ZNF475: variants seen among roughly 807,000 people sequenced by gnomAD.
ZNF475 encodes the protein zinc finger protein 475.
the ZNF475 span, among the ~76,000 whole-genome samples, chr5:122,163,813 A>G: frequency 6.6e-6 from 1 of 152,204 alleles, no homozygotes; most frequent in Non-Finnish European, 1.5e-5. Context: ...CGTCTTGGAA[A>G]TCGGTCTCAT....
the ZNF475 span, among the ~76,000 whole-genome samples, chr5:122,168,020 G>C: frequency 2.7e-4 from 41 of 152,124 alleles, no homozygotes; most frequent in Admixed American, 9.2e-4. Flanking sequence ...ATTTATGGAT[G>C]TTTCCAGTTG....
At chr5:122,173,432 A>G in the ZNF475 span, among the ~76,000 whole-genome samples, 3 of 152,290 alleles carry the variant, frequency 2.0e-5, no homozygotes, top group South Asian at 6.2e-4. Context: ...CCCTGCTTCA[A>G]TAGTGATATT....
At chr5:122,172,859 C>A in the ZNF475 span, among the ~76,000 whole-genome samples, 9 of 152,138 alleles carry the variant, frequency 5.9e-5, no homozygotes, top group African/African-American at 2.2e-4. Flanking sequence ...CGGTGAAACC[C>A]CGTGTCTACT....
At chr5:122,173,211 A>G in the ZNF475 span, among the ~76,000 whole-genome samples, 1 of 152,160 alleles carries the variant, frequency 6.6e-6, no homozygotes, top group South Asian at 2.1e-4. Flanking sequence ...TCTTTCTATA[A>G]ACAATATTAG....
the ZNF475 span, among the ~76,000 whole-genome samples, chr5:122,177,416 T>G: frequency 9.2e-5 from 14 of 152,326 alleles, 1 homozygote; most frequent in South Asian, 2.5e-3. Context: ...AGAAGAGGAA[T>G]TATGCCTGAT....
the ZNF475 span, among the ~76,000 whole-genome samples, chr5:122,168,179 G>A: frequency 6.6e-6 from 1 of 152,162 alleles, no homozygotes; most frequent in Non-Finnish European, 1.5e-5. Context: ...CTAATAGCTG[G>A]GGTTACAGGC....
chr5:122,170,528 T>C, the ZNF475 span, among the ~76,000 whole-genome samples: 1 of 152,180 alleles, frequency 6.6e-6, no homozygotes, highest in East Asian at 1.9e-4. Context: ...CAGGGCAAAG[T>C]ACGGGGTTAG....
At chr5:122,174,867 C>A in the ZNF475 span, among the ~76,000 whole-genome samples, 19 of 152,072 alleles carry the variant, frequency 1.2e-4, no homozygotes, top group East Asian at 3.9e-4. Flanking sequence ...ATTTAATTAA[C>A]CTTTCCAGTA....
the ZNF475 span, among the ~76,000 whole-genome samples, chr5:122,180,515 G>A: frequency 6.6e-6 from 1 of 152,200 alleles, no homozygotes; most frequent in African/African-American, 2.4e-5. Flanking sequence ...TTTAGGGTAT[G>A]AGAATAGTTA....
At chr5:122,166,342 GTTTC>G in the ZNF475 span, among the ~76,000 whole-genome samples, 1 of 151,558 alleles carries the variant, frequency 6.6e-6, no homozygotes, top group Non-Finnish European at 1.5e-5. Context: ...GGTCAGTTAT[GTTTC>G]TTTTTTTTTT....
At chr5:122,174,698 C>T in the ZNF475 span, among the ~76,000 whole-genome samples, 5 of 152,152 alleles carry the variant, frequency 3.3e-5, no homozygotes, top group South Asian at 2.1e-4. Context: ...GGAAATCTGA[C>T]GGTGACACGA....
At chr5:122,176,760 C>G in the ZNF475 span, among the ~76,000 whole-genome samples, 1 of 152,120 alleles carries the variant, frequency 6.6e-6, no homozygotes, top group Admixed American at 6.5e-5. Flanking sequence ...TTTCTTGGTA[C>G]TATTGATCTA....
At chr5:122,177,165 G>A in the ZNF475 span, among the ~76,000 whole-genome samples, 1 of 152,204 alleles carries the variant, frequency 6.6e-6, no homozygotes, top group Admixed American at 6.5e-5. Flanking sequence ...CAACCTTGGT[G>A]AGGAAACTGG....
the ZNF475 span, among the ~76,000 whole-genome samples, chr5:122,166,609 T>TGC: frequency 2.7e-5 from 4 of 149,662 alleles, no homozygotes; most frequent in African/African-American, 1.0e-4. Flanking sequence ...TTTCTGTCCT[T>TGC]GTGATTGCTG....
chr5:122,172,391 C>T, the ZNF475 span, among the ~76,000 whole-genome samples: 23 of 152,256 alleles, frequency 1.5e-4, no homozygotes, highest in South Asian at 4.8e-3. Flanking sequence ...TTAAACAGTG[C>T]CAAATGGCCC....
chr5:122,182,578 G>C, the ZNF475 span: 12 of 1,535,328 alleles, frequency 7.8e-6, no homozygotes, highest in Admixed American at 2.0e-4. Flanking sequence ...GTTTGTGGGC[G>C]TACCTTCCTG....
At chr5:122,179,828 C>G in the ZNF475 span, 1 of 832,126 alleles carries the variant, frequency 1.2e-6, no homozygotes, top group South Asian at 2.6e-5. Context: ...TTCAAACGAC[C>G]AAAATCAACA....
chr5:122,182,643 AGCCCTTT>A, the ZNF475 span: 1 of 1,534,190 alleles, frequency 6.5e-7, no homozygotes, highest in Non-Finnish European at 8.7e-7. Flanking sequence ...CGCCAAGTAA[AGCCCTTT>A]TCTCTCTACT....
At chr5:122,178,923 G>A in the ZNF475 span, among the ~76,000 whole-genome samples, 3 of 152,122 alleles carry the variant, frequency 2.0e-5, no homozygotes, top group African/African-American at 7.2e-5. Context: ...TAAGGTGTAA[G>A]GAAGGGGTCC....
Sources: gnomAD v4.1 joint callset for allele counts (sites outside exome capture counted in the v4.1 genomes callset) on GRCh38, gnomAD v4.1.1 for gene constraint, MANE v1.5 for transcripts, NCBI Gene and HGNC (gene_info 2026-07-23, HGNC 2026-07-21) for gene names.